The following SLC2A13 variants were observed in gnomAD, a reference collection of about 807,000 sequenced individuals.
SLC2A13 encodes solute carrier family 2 member 13, also known as proton myo-inositol cotransporter.
In SLC2A13, 32 loss-of-function variants were observed where a neutral mutation model predicts 64.4. The ratio of observed to expected loss-of-function variants is 0.50; its 90% CI spans 0.37 to 0.67. The LOEUF is 0.67. Ranked by LOEUF, SLC2A13 falls within the 30% of genes least tolerant of loss-of-function variation. SLC2A13 has a pLI of 0.00. For synonymous variants in SLC2A13, 338 were observed against 327.1 expected (o/e 1.03, Z -0.36); for missense variants, 743 against 829.2 (o/e 0.90, Z 1.28).
chr12:39,890,850 A>G (rs897545905), intron 4 of SLC2A13, among the ~76,000 whole-genome samples: 1 of 152,146 alleles, frequency 6.6e-6, no homozygotes, highest in South Asian at 2.1e-4. Context: ...ATGTTTTAAA[A>G]TAATATGAGA....
At chr12:39,961,226 C>T (rs1220629064) in intron 3 of SLC2A13, among the ~76,000 whole-genome samples, 1 of 151,616 alleles carries the variant, frequency 6.6e-6, no homozygotes, top group African/African-American at 2.4e-5. Context: ...TACAGGTGCA[C>T]GCCACCACGC....
chr12:39,936,205 T>C (rs576588462), intron 4 of SLC2A13, among the ~76,000 whole-genome samples: 8 of 152,330 alleles, frequency 5.3e-5, no homozygotes, highest in African/African-American at 1.7e-4. Context: ...CTCTACAGTG[T>C]TGTCAAGCCC....
intron 9 of SLC2A13, 136 bp downstream of exon 9, chr12:39,764,324 G>T: frequency 1.4e-6 from 1 of 740,246 alleles, no homozygotes; most frequent in Non-Finnish European, 2.0e-6. Flanking sequence ...GCCTTTGGAG[G>T]ACAAGAAAGC....
intron 1 of SLC2A13, among the ~76,000 whole-genome samples, chr12:40,100,570 T>A (rs962976348): frequency 3.3e-5 from 5 of 152,174 alleles, no homozygotes; most frequent in Non-Finnish European, 7.4e-5. Flanking sequence ...TATTCTTCAA[T>A]CCTGTTGTAA....
intron 3 of SLC2A13, among the ~76,000 whole-genome samples, chr12:39,992,901 T>A (rs1947162049): frequency 6.6e-6 from 1 of 152,262 alleles, no homozygotes; most frequent in South Asian, 2.1e-4. Context: ...TGTGTCCTTG[T>A]TATTTTCCTT....
At chr12:39,775,090 C>A (rs1940729307) in intron 7 of SLC2A13, among the ~76,000 whole-genome samples, 1 of 152,200 alleles carries the variant, frequency 6.6e-6, no homozygotes, top group Non-Finnish European at 1.5e-5. Flanking sequence ...AAATTATATG[C>A]TTCAAGATGT....
chr12:40,101,348 A>G (rs1939142433), intron 1 of SLC2A13, among the ~76,000 whole-genome samples: 1 of 152,194 alleles, frequency 6.6e-6, no homozygotes, highest in Middle Eastern at 3.2e-3. Flanking sequence ...TTTAATACCC[A>G]TTAATAACTA....
intron 7 of SLC2A13, among the ~76,000 whole-genome samples, chr12:39,796,107 T>A (rs1941565304): frequency 6.6e-6 from 1 of 152,158 alleles, no homozygotes; most frequent in Non-Finnish European, 1.5e-5. Flanking sequence ...ATTATGGACA[T>A]TTCATATTAA....
rs368165833 is a variant in SLC2A13 at position 39,889,501 on chromosome 12, C to G, written c.1035-17540G>C. The stretch of plus-strand genomic sequence containing the variant: ...ATTATACAGAGAAAGTGAGTAGAGG[C>G]CGACTTTACGCTTCAGTGGTAAACA... On this transcript the variant is annotated intron_variant, in intron 4 of 9. Transcript: ENST00000280871. Among the ~76,000 whole-genome samples the G allele has an allele frequency of 1.1e-4, 16 of 151,126 alleles. No individual in the cohort carries two copies. In the East Asian group the frequency reaches 2.1e-3, roughly 20 times the overall value.
Position 40,105,412 on chromosome 12 carries a change from C to T in SLC2A13, c.397G>A (p.Val133Ile), listed in dbSNP as rs1939273743. ...LVSSTVGAAA[V>I]SALAGGALNG... ...AGGGCGCCTCCGGCCAGCGCCGAGA[C>T]GGCAGCCGCCCCCACCGTGCTGGAC... The change falls in exon 1 of 10, where the codon GTC (valine) becomes ATC (isoleucine). Residue 133 changes from valine (V) to isoleucine (I), a missense_variant. By Grantham distance (29) the Val-to-Ile change is conservative. Around this residue, in one of 2 missense-constraint regions of SLC2A13, gnomAD observed 448 missense variants for 447.4 expected, o/e 1.00. Transcript: ENST00000280871. This position sits in a 1 kb window ranked among gnomAD's most constrained non-coding sequence, Gnocchi z 4.2. The T allele has an allele frequency of 6.5e-7, 1 of 1,549,364 alleles. No individual in the cohort carries two copies. The highest frequency in any genetic ancestry group is 8.7e-7 in the Non-Finnish European group (1 of 1,147,786).
chr12:39,922,342 G>C (rs1368415210), intron 4 of SLC2A13, among the ~76,000 whole-genome samples: 1 of 152,072 alleles, frequency 6.6e-6, no homozygotes, highest in Non-Finnish European at 1.5e-5. Flanking sequence ...TGTCTCCTAG[G>C]GTGAGCATAT....
At chr12:39,863,902 G>T (rs1943835089) in intron 6 of SLC2A13, among the ~76,000 whole-genome samples, 1 of 152,106 alleles carries the variant, frequency 6.6e-6, no homozygotes. Flanking sequence ...TTTCATATAG[G>T]GTTGTATGAG....
At chr12:39,781,840 C>T (rs904455807) in intron 7 of SLC2A13, among the ~76,000 whole-genome samples, 29 of 152,102 alleles carry the variant, frequency 1.9e-4, no homozygotes, top group African/African-American at 5.8e-4. Flanking sequence ...CATATACGGC[C>T]CTCACATACC....
chr12:39,868,328 G>A (rs1943958549), intron 5 of SLC2A13, among the ~76,000 whole-genome samples: 2 of 152,084 alleles, frequency 1.3e-5, no homozygotes, highest in South Asian at 4.1e-4. Context: ...TGAATAAATA[G>A]CATTATTAAA....
intron 2 of SLC2A13, among the ~76,000 whole-genome samples, chr12:40,032,834 G>A (rs1054957381): frequency 2.0e-5 from 3 of 152,122 alleles, no homozygotes; most frequent in Admixed American, 6.5e-5. Flanking sequence ...TGCACTTCAC[G>A]ATCATTGACC....
chr12:39,850,946 C>A (rs1943450530), intron 6 of SLC2A13, among the ~76,000 whole-genome samples: 1 of 150,852 alleles, frequency 6.6e-6, no homozygotes, highest in African/African-American at 2.4e-5. Context: ...GTTGCCTAGG[C>A]TGCAGTGCAG....
intron 4 of SLC2A13, among the ~76,000 whole-genome samples, chr12:39,880,347 T>C (rs551377995): frequency 6.6e-5 from 10 of 152,350 alleles, no homozygotes; most frequent in East Asian, 3.9e-4. Context: ...TAAGAACTAT[T>C]TTTAAAAAAT....
chr12:39,784,734 T>A (rs1253884679), intron 7 of SLC2A13, among the ~76,000 whole-genome samples: 3 of 152,130 alleles, frequency 2.0e-5, no homozygotes, highest in Non-Finnish European at 4.4e-5. Flanking sequence ...CGGGATCTAA[T>A]TAAACTAAAG....
intron 4 of SLC2A13, among the ~76,000 whole-genome samples, chr12:39,904,691 A>T (rs1945220852): frequency 6.6e-6 from 1 of 152,104 alleles, no homozygotes; most frequent in Non-Finnish European, 1.5e-5. Context: ...GCCTGTCCTT[A>T]TATGCCCTGC....
Sources: gnomAD v4.1 joint callset for allele counts (sites outside exome capture counted in the v4.1 genomes callset) on GRCh38, gnomAD v4.1.1 for gene constraint, gnomAD v4.1.1 regional missense constraint, Gnocchi (gnomAD v3.1) non-coding constraint, MANE v1.5 for transcripts, NCBI Gene and HGNC (gene_info 2026-07-23, HGNC 2026-07-21) for gene names.